HSPA12A: variants seen among roughly 807,000 people sequenced by gnomAD.
HSPA12A encodes heat shock 70 kDa protein 12A.
A neutral mutation model predicts 69.2 loss-of-function variants in HSPA12A; 28 were observed. That is an observed-to-expected ratio of 0.40 (90% CI 0.30 to 0.55). The LOEUF is 0.55. HSPA12A is among the 20% of genes least tolerant of loss of function. HSPA12A has a pLI of 0.38. For synonymous variants in HSPA12A, 345 were observed against 370.5 expected (o/e 0.93, Z 0.79); for missense variants, 686 against 900.7 (o/e 0.76, Z 3.05).
chr10:116,823,693 A>G (rs1845447533), intron 2 of HSPA12A, among the ~76,000 whole-genome samples: 1 of 152,242 alleles, frequency 6.6e-6, no homozygotes, highest in African/African-American at 2.4e-5. Flanking sequence ...ACTGGATATC[A>G]TGTAAAACAA....
intron 1 of HSPA12A, among the ~76,000 whole-genome samples, chr10:116,727,924 A>ATT (rs56200126): frequency 1.3e-4 from 20 of 150,328 alleles, no homozygotes; most frequent in Middle Eastern, 3.4e-3. Context: ...TGCCCGACTA[A>ATT]TTTTTTTGGG....
Position 116,683,874 on chromosome 10 carries a change from A to G in HSPA12A, c.752T>C (p.Leu251Pro). ...GCTGCTCAGCTCAATCATCTGGTGT[A>G]GCCGCAGCTTTCGGCAGTAGATAGA... ...AASIYCRKLR[L>P]HQMIELSSKA... The change falls in exon 7 of 12, where the codon CTA (leucine) becomes CCA (proline). Residue 251 changes from leucine to proline, a missense_variant. Coordinates refer to ENST00000369209, the MANE Select transcript of HSPA12A (RefSeq NM_025015.3). 6.2e-7 allele frequency: 1 copy of G among 1,601,198 alleles called. No individual in the cohort carries two copies. The highest frequency in any genetic ancestry group is 8.5e-7 in the Non-Finnish European group (1 of 1,169,968).
chr10:116,795,700 AAAAAT>A (rs1380094417), intron 2 of HSPA12A, among the ~76,000 whole-genome samples: 11 of 134,932 alleles, frequency 8.2e-5, no homozygotes, highest in Admixed American at 4.5e-4. Context: ...AAAAAAAAAA[AAAAAT>A]TATAGTAAAT....
In HSPA12A at chr10:116,810,416, G is replaced by GT. The variant is rs536243963; in HGVS notation, c.91+24518dup. On this transcript the variant is annotated intron_variant, in intron 2 of 12. Transcript: ENST00000635765. ...TTAATCCCTCCTGATTTAGACGAGG[G>GT]TTTTTTCTTTCCTCTCTACCACCTC... Among the ~76,000 whole-genome samples, 160 of 152,124 alleles carry GT rather than the reference G, an allele frequency of 1.1e-3. 4 individuals carry two copies. The South Asian group carries it at 0.027, about 25-fold the overall frequency.
rs1554882237 is a variant in HSPA12A at position 116,705,245 on chromosome 10, A to G, written c.160T>C (p.Ser54Pro). 2 of 1,614,068 alleles carry G rather than the reference A, an allele frequency of 1.2e-6. No homozygotes were observed. Among genetic ancestry groups the G allele is most frequent in the Admixed American group, 1.7e-5 (1 of 60,020 alleles). Residue 54 changes from serine (S) to proline (P), a missense_variant, in exon 3 of 12, where the codon TCA (serine) becomes CCA (proline). Coordinates refer to ENST00000369209, the MANE Select transcript of HSPA12A (RefSeq NM_025015.3). ...DTDSNVSEQQ[S>P]FLVVVAVDFG... ...TCGACGGCCACCACCACGAGAAATG[A>G]CTGCTGTTCTGAGACGTTGGAGTCA...
Position 116,683,835 on chromosome 10 carries a change from T to A in HSPA12A, c.791A>T (p.Asn264Ile). ...TACTGTGTCACTGCCGCTGTACCCA[T>A]TGACGGCTGCCTTGCTGCTCAGCTC... Reference protein sequence around the residue: ...MIELSSKAAVNGYSGSDTVGA... With the variant: ...MIELSSKAAVIGYSGSDTVGA... Residue 264 changes from asparagine (N) to isoleucine (I), a missense_variant, in exon 7 of 12, where the codon AAT becomes ATT. By Grantham distance (149) the Asn-to-Ile change is moderately radical (BLOSUM62 -3). Coordinates refer to ENST00000369209, the MANE Select transcript of HSPA12A (RefSeq NM_025015.3). 1 of 1,594,312 alleles carries A rather than the reference T, an allele frequency of 6.3e-7. No homozygotes were observed. Among genetic ancestry groups the A allele is most frequent in the Non-Finnish European group, 8.6e-7 (1 of 1,164,406 alleles).
At chr10:116,849,845 G>A (rs1846014574), upstream of HSPA12A, 2 of 1,197,278 alleles carry the variant, frequency 1.7e-6, no homozygotes, top group Non-Finnish European at 2.3e-6. Context: ...CCAGCCGCCC[G>A]GGCCCTGGGC....
chr10:116,747,301 T>C (rs1409559574), upstream of HSPA12A, among the ~76,000 whole-genome samples: 1 of 152,238 alleles, frequency 6.6e-6, no homozygotes, highest in Non-Finnish European at 1.5e-5. Flanking sequence ...ATGTAAACTT[T>C]AGAAATGCCT....
At chr10:116,680,618 T>C (rs2921961) in intron 9 of HSPA12A, among the ~76,000 whole-genome samples, 50,217 of 152,122 alleles carry the variant, frequency 0.33, 9,610 homozygotes, top group African/African-American at 0.52. Context: ...CCTGAGTAGC[T>C]GGGGCTACAG....
chr10:116,743,763 AGG>A (rs1554887580), upstream of HSPA12A, among the ~76,000 whole-genome samples: 4 of 152,222 alleles, frequency 2.6e-5, no homozygotes, highest in African/African-American at 9.6e-5. Context: ...GGAGACCAGA[AGG>A]TGATGGCAGA....
intron 1 of HSPA12A, among the ~76,000 whole-genome samples, chr10:116,725,297 G>A (rs1850918233): frequency 1.3e-5 from 2 of 152,198 alleles, no homozygotes; most frequent in Non-Finnish European, 2.9e-5. Flanking sequence ...CTGCCACCCT[G>A]TAGGGTGGGG....
chr10:116,726,025 ACG>A (rs574451167), intron 1 of HSPA12A, among the ~76,000 whole-genome samples: 255 of 67,938 alleles, frequency 3.8e-3, no homozygotes, highest in African/African-American at 0.012. Flanking sequence ...ACACACACAC[ACG>A]CACACACACA....
At chr10:116,729,477 C>T (rs997287080) in intron 1 of HSPA12A, among the ~76,000 whole-genome samples, 13 of 152,078 alleles carry the variant, frequency 8.5e-5, no homozygotes, top group African/African-American at 3.1e-4. Flanking sequence ...GGGCACCCAC[C>T]CCCTGCACAG....
At position 116,704,345 on chromosome 10, in the gene HSPA12A, C is replaced by A. The variant is rs548456524; in HGVS notation, c.254+806G>T. Among the ~76,000 whole-genome samples the A allele has an allele frequency of 2.0e-5, 3 of 152,084 alleles. No homozygotes were observed. The South Asian group carries it at 6.2e-4, about 32-fold the overall frequency. ...TGAAACTGGAAACCATCATTCTCAG[C>A]AAACTATCGCAAGGACAAAAAACCA... On this transcript the variant is annotated intron_variant, in intron 3 of 11. Coordinates refer to ENST00000369209, the MANE Select transcript of HSPA12A (RefSeq NM_025015.3).
chr10:116,760,628 A>G (rs1211461089), intron 2 of HSPA12A, among the ~76,000 whole-genome samples: 1 of 152,228 alleles, frequency 6.6e-6, no homozygotes, highest in African/African-American at 2.4e-5. Flanking sequence ...TGAATTATCA[A>G]ATTCCAAATC....
chr10:116,839,049 A>C (rs1047573513), intron 1 of HSPA12A, among the ~76,000 whole-genome samples: 1 of 152,270 alleles, frequency 6.6e-6, no homozygotes, highest in Non-Finnish European at 1.5e-5. Context: ...TACTTTAATA[A>C]AAAGCTAACA....
intron 6 of HSPA12A, among the ~76,000 whole-genome samples, chr10:116,689,802 A>G (rs1285425215): frequency 3.4e-3 from 28 of 8,158 alleles, no homozygotes; most frequent in African/African-American, 0.018. Context: ...GGCAGGGGAA[A>G]AAAAAAAAAA....
intron 2 of HSPA12A, among the ~76,000 whole-genome samples, chr10:116,760,771 T>G (rs1665676): frequency 0.089 from 13,515 of 152,264 alleles, 823 homozygotes; most frequent in East Asian, 0.28. Flanking sequence ...TGCCACAAAG[T>G]GCAAGGGACG....
rs150780860 is a variant in HSPA12A at position 116,681,359 on chromosome 10, C to T, written c.923-103G>A. 5.2e-4 allele frequency: 439 copies of T among 843,150 alleles called. 5 individuals are homozygous for T. The East Asian group carries it at 0.01, about 20-fold the overall frequency. The allele number at this position is 843,150 out of a possible 1,614,324, so 52.2% of individuals were successfully genotyped here. ...TAGACCCAGCTAAGTGCCCTCAAAA[C>T]TTCTCATTAGCACAATGGTTTTGCT... On this transcript the variant is annotated intron_variant, in intron 8 of 11. Coordinates refer to ENST00000369209, the MANE Select transcript of HSPA12A (RefSeq NM_025015.3).
Sources: allele counts gnomAD v4.1 joint callset (sites outside exome capture counted in the v4.1 genomes callset), GRCh38; gene constraint gnomAD v4.1.1; transcripts MANE v1.5; gene names NCBI Gene and HGNC (gene_info 2026-07-23, HGNC 2026-07-21).